Variants in SRGAP3 observed in about 807,000 individuals in gnomAD.
The protein encoded by SRGAP3 is SLIT-ROBO Rho GTPase activating protein 3.
SRGAP3 carries 39 observed loss-of-function variants against 121.1 expected under a neutral mutation model. The observed-to-expected ratio is 0.32, with a 90% CI of 0.25 to 0.42. The LOEUF (loss-of-function observed/expected upper bound fraction) is 0.42, where lower values mean the gene tolerates loss of function less well. SRGAP3 is among the 10% of genes least tolerant of loss of function. The probability of loss-of-function intolerance (pLI) is 1.00; values close to 1 mark genes in which losing one functional copy is unlikely to be tolerated. For missense variants in SRGAP3, 1,213 were observed against 1,470.6 expected (o/e 0.82, Z 2.86); for synonymous variants, 601 against 570.0 (o/e 1.05, Z -0.77).
intron 3 of SRGAP3, among the ~76,000 whole-genome samples, chr3:9,082,275 G>T (rs139310031): frequency 2.8e-4 from 43 of 152,304 alleles, no homozygotes; most frequent in African/African-American, 1.0e-3. Context: ...AGAACTGTGA[G>T]CCAATTAAAC....
At chr3:9,267,089 A>T (rs1954381962) in intron 3 of SRGAP3, among the ~76,000 whole-genome samples, 1 of 152,022 alleles carries the variant, frequency 6.6e-6, no homozygotes, top group Non-Finnish European at 1.5e-5. Context: ...TTCCTCCTGG[A>T]CTCCATTTAA....
chr3:9,355,228 A>C (rs183042780), intron 1 of SRGAP3, among the ~76,000 whole-genome samples: 79 of 152,304 alleles, frequency 5.2e-4, no homozygotes, highest in Non-Finnish European at 9.6e-4. Flanking sequence ...CCAGAATTTG[A>C]CAGTTCTCAC....
intron 1 of SRGAP3, among the ~76,000 whole-genome samples, chr3:9,225,881 C>T (rs1952971046): frequency 6.6e-6 from 1 of 151,824 alleles, no homozygotes; most frequent in Admixed American, 6.6e-5. Context: ...AAGCCCAGCG[C>T]TGCCAGACCT....
At chr3:9,351,330 C>G (rs1255973764) in intron 1 of SRGAP3, among the ~76,000 whole-genome samples, 3 of 152,180 alleles carry the variant, frequency 2.0e-5, no homozygotes, top group East Asian at 1.9e-4. Context: ...AACTTCCCAG[C>G]AATTTATGAG....
intron 1 of SRGAP3, among the ~76,000 whole-genome samples, chr3:9,242,982 G>T (rs1261510831): frequency 6.6e-6 from 1 of 152,188 alleles, no homozygotes; most frequent in African/African-American, 2.4e-5. Context: ...ACTGAGCCCA[G>T]CCTAAACTTA....
intron 1 of SRGAP3, among the ~76,000 whole-genome samples, chr3:9,223,927 TCTC>T (rs1216481013): frequency 3.3e-5 from 5 of 152,106 alleles, no homozygotes; most frequent in South Asian, 2.1e-4. Context: ...GACAGGCACT[TCTC>T]CTCTCGAAGT....
chr3:9,277,607 CAAAAAAAAAA>C (rs35955575), intron 3 of SRGAP3, among the ~76,000 whole-genome samples: 4 of 59,832 alleles, frequency 6.7e-5, no homozygotes, highest in Non-Finnish European at 1.2e-4. Context: ...GAAGCCATCT[CAAAAAAAAAA>C]AAAAAAAAAA....
At chr3:9,150,686 C>T (rs142126038) in intron 1 of SRGAP3, among the ~76,000 whole-genome samples, 35 of 152,258 alleles carry the variant, frequency 2.3e-4, no homozygotes, top group African/African-American at 7.9e-4. Context: ...CTAAAATCTA[C>T]AGCCCTGGGC....
At chr3:9,137,958 C>T (rs1949723719) in intron 1 of SRGAP3, among the ~76,000 whole-genome samples, 2 of 152,186 alleles carry the variant, frequency 1.3e-5, no homozygotes, top group South Asian at 2.1e-4. Context: ...TTAATATTCA[C>T]GGTTTTGCTG....
At chr3:9,118,858 G>T (rs2124960740) in intron 2 of SRGAP3, among the ~76,000 whole-genome samples, 1 of 152,340 alleles carries the variant, frequency 6.6e-6, no homozygotes, top group Non-Finnish European at 1.5e-5. Flanking sequence ...ACCCGTGACA[G>T]GCACATGAGC....
rs116636150 is a variant in SRGAP3 at position 9,267,153 on chromosome 3, C to A, written n.442+58857G>T. Among the ~76,000 whole-genome samples, 1,502 of 152,240 alleles carry A rather than the reference C, an allele frequency of 9.9e-3. 17 individuals carry two copies. Among genetic ancestry groups the A allele is most frequent in the African/African-American group, 0.024 (977 of 41,524 alleles). Reference sequence around the variant, plus strand: ...TCAGTCTGGTCTTGTTTCTACCCAGCGAGGATTTAGGACATCTATGGTATC... The same window carrying A: ...TCAGTCTGGTCTTGTTTCTACCCAGAGAGGATTTAGGACATCTATGGTATC... On this transcript the variant is annotated intron_variant and non_coding_transcript_variant, in intron 3 of 3. Coordinates refer to the SRGAP3 transcript ENST00000490889.
At chr3:9,137,239 GCT>G (rs1426818133) in intron 1 of SRGAP3, among the ~76,000 whole-genome samples, 1 of 152,136 alleles carries the variant, frequency 6.6e-6, no homozygotes, top group African/African-American at 2.4e-5. Context: ...AGGTTTTTAC[GCT>G]CTGTCTTTCG....
chr3:9,320,019 C>T (rs1432416406), intron 3 of SRGAP3, among the ~76,000 whole-genome samples: 1 of 151,952 alleles, frequency 6.6e-6, no homozygotes, highest in Non-Finnish European at 1.5e-5. Context: ...CAACCTAGTT[C>T]ATGCCAACTG....
chr3:9,120,756 G>C (rs1031976689), intron 2 of SRGAP3, among the ~76,000 whole-genome samples: 1 of 152,176 alleles, frequency 6.6e-6, no homozygotes, highest in African/African-American at 2.4e-5. Context: ...TGTTAGAATT[G>C]GATATGTGTT....
intron 3 of SRGAP3, among the ~76,000 whole-genome samples, chr3:9,304,724 G>A (rs568748541): frequency 1.8e-4 from 27 of 152,238 alleles, no homozygotes; most frequent in African/African-American, 6.3e-4. Flanking sequence ...TCCAGAGGTC[G>A]TATGCTCACT....
intron 1 of SRGAP3, among the ~76,000 whole-genome samples, chr3:9,158,141 G>T (rs976852791): frequency 6.6e-6 from 1 of 152,216 alleles, no homozygotes; most frequent in Non-Finnish European, 1.5e-5. Flanking sequence ...GAGCAAAGCT[G>T]CTTCCTACTG....
At chr3:9,268,179 C>A (rs1954401081) in intron 3 of SRGAP3, among the ~76,000 whole-genome samples, 1 of 152,094 alleles carries the variant, frequency 6.6e-6, no homozygotes, top group African/African-American at 2.4e-5. Context: ...CCATAACCCC[C>A]AATGTGATGG....
chr3:9,075,390 T>TGTGC lies in SRGAP3; in HGVS notation c.486+4634_486+4635insGCAC, dbSNP rs1454621766. 9.4e-5 allele frequency among the ~76,000 whole-genome samples: 14 copies of TGTGC among 148,614 alleles called. No homozygotes were observed. The East Asian group carries it at 1.7e-3, about 18-fold the overall frequency. On this transcript the variant is annotated intron_variant, in intron 4 of 21. Transcript: ENST00000383836. Reference sequence around the variant, plus strand: ...ATGTATGCAAGTGTGTGTGTGTGTGTGCGCGCGCACATATGTGCATAAACA... The same window carrying TGTGC: ...ATGTATGCAAGTGTGTGTGTGTGTGTGTGCGCGCGCGCACATATGTGCATAAACA...
chr3:9,044,784 G>C (rs1236039986), intron 10 of SRGAP3, among the ~76,000 whole-genome samples: 1 of 152,220 alleles, frequency 6.6e-6, no homozygotes, highest in Non-Finnish European at 1.5e-5. Flanking sequence ...TAAGAAGGAT[G>C]AATTTGCTAA....
Sources: allele counts gnomAD v4.1 joint callset (sites outside exome capture counted in the v4.1 genomes callset), GRCh38; gene constraint gnomAD v4.1.1; transcripts MANE v1.5; gene names NCBI Gene and HGNC (gene_info 2026-07-23, HGNC 2026-07-21).